The following NXF2B variants were observed in gnomAD, a reference collection of about 807,000 sequenced individuals.
NXF2B encodes the protein nuclear RNA export factor 2.
At chrX:102,432,698 T>G (rs1556394492) in intron 2 of NXF2B, among the ~76,000 whole-genome samples, 1 of 62,326 alleles carries the variant, frequency 1.6e-5, no homozygotes, top group Non-Finnish European at 4.1e-5. Context: ...GAAATAGATT[T>G]TTTTTTCTGT....
chrX:102,393,593 T>TATATATAC (rs1491394012), intron 2 of NXF2B, among the ~76,000 whole-genome samples: 3 of 21,839 alleles, frequency 1.4e-4, no homozygotes, highest in Non-Finnish European at 2.3e-4. Flanking sequence ...TATATATATA[T>TATATATAC]GGAAAGAAAG....
intron 2 of NXF2B, among the ~76,000 whole-genome samples, chrX:102,412,528 GA>G (rs1569471421): frequency 0.032 from 31 of 964 alleles, 6 homozygotes; most frequent in South Asian, 0.25. Flanking sequence ...AGAAGAAGAA[GA>G]AGAAGAAGAA....
intron 2 of NXF2B, among the ~76,000 whole-genome samples, chrX:102,412,644 AAGT>A (rs782586364): frequency 2.1e-3 from 63 of 30,054 alleles, no homozygotes; most frequent in Non-Finnish European, 3.0e-3. Context: ...GAAGAAGAAG[AAGT>A]AGTCATCATC....
chrX:102,386,213 G>A (rs1184913017), intron 2 of NXF2B, among the ~76,000 whole-genome samples: 7 of 115,023 alleles, frequency 6.1e-5, no homozygotes, highest in Non-Finnish European at 1.1e-4. Context: ...CCAAAGTGTT[G>A]GGATTACAGG....
At chrX:102,397,844 G>T (rs1454131749) in intron 2 of NXF2B, among the ~76,000 whole-genome samples, 1 of 113,967 alleles carries the variant, frequency 8.8e-6, no homozygotes, top group African/African-American at 3.2e-5. Flanking sequence ...ACAAGAACTC[G>T]TTCCTACGAA....
chrX:102,432,791 AG>A (rs1387645333), intron 2 of NXF2B, among the ~76,000 whole-genome samples: 5 of 55,735 alleles, frequency 9.0e-5, no homozygotes, highest in Non-Finnish European at 2.2e-4. Context: ...CATATGACCC[AG>A]CAACTGCTTT....
chrX:102,405,007 C>T (rs1293296423), intron 2 of NXF2B, among the ~76,000 whole-genome samples: 4 of 40,027 alleles, frequency 1.0e-4, no homozygotes, highest in Non-Finnish European at 1.7e-4. Flanking sequence ...TCTGGCCGGG[C>T]GTGGTGGCTC....
intron 2 of NXF2B, among the ~76,000 whole-genome samples, chrX:102,412,566 AG>A (rs781973364): frequency 0.037 from 230 of 6,195 alleles, 36 homozygotes; most frequent in Non-Finnish European, 0.049. Context: ...AAGAAGAAGA[AG>A]GAAGAAGAGG....
chrX:102,377,175 TGTGTGTGTGA>T lies in NXF2B; in HGVS notation c.43+2809_43+2818del, dbSNP rs1177658950. On this transcript the variant is annotated intron_variant, in intron 1 of 20. Coordinates refer to ENST00000604395, the Ensembl canonical transcript of NXF2B. ...GTGTGTGTGTGTGTGTGTGTGTGTG[TGTGTGTGTGA>T]GAGAGAGAGAGCGAGAGAGAGAGAG... Among the ~76,000 whole-genome samples the T allele has an allele frequency of 2.5e-4, 20 of 80,023 alleles. No homozygotes were observed. In the East Asian group the frequency reaches 3.5e-3, roughly 14 times the overall value. The allele number at this position is 80,023 out of a possible 115,157, so 69.5% of individuals were successfully genotyped here. A position where few individuals can be genotyped will look rare whatever the true frequency, so the allele number is the denominator to read the frequency against.
chrX:102,397,540 G>A (rs1934328894), intron 2 of NXF2B, among the ~76,000 whole-genome samples: 1 of 56,412 alleles, frequency 1.8e-5, no homozygotes, highest in Non-Finnish European at 3.4e-5. Flanking sequence ...AATTCAAGAT[G>A]GATTGAAGAC....
intron 2 of NXF2B, among the ~76,000 whole-genome samples, chrX:102,386,539 A>AG (rs1934273575): frequency 1.5e-5 from 1 of 66,142 alleles, no homozygotes; most frequent in Admixed American, 1.9e-4. Flanking sequence ...CACAGGGGAG[A>AG]GCTCTCATGC....
rs781891878 is a variant in NXF2B, at chrX:102,377,148, TTGTGTGTGTGTGTG to T, written c.43+2832_43+2845del. ...AAATTGTATGTGTGTGAGAGTGTAT[TTGTGTGTGTGTGTG>T]TGTGTGTGTGTGTGTGTGTGTGAGA... On this transcript the variant is annotated intron_variant, in intron 1 of 20. Transcript: ENST00000604395. Among the ~76,000 whole-genome samples the T allele has an allele frequency of 5.5e-4, 30 of 54,405 alleles. No homozygotes were observed. In the East Asian group the frequency reaches 0.02, roughly 35 times the overall value. The allele number at this position is 54,405 out of a possible 115,157, so 47.2% of individuals were successfully genotyped here.
chrX:102,435,827 G>A (rs1402938156), intron 2 of NXF2B, among the ~76,000 whole-genome samples: 1 of 78,572 alleles, frequency 1.3e-5, no homozygotes, highest in Non-Finnish European at 2.5e-5. Context: ...AATCTTGGAA[G>A]GAATTTAAAA....
At chrX:102,405,387 T>G in intron 2 of NXF2B, among the ~76,000 whole-genome samples, 4 of 13,556 alleles carry the variant, frequency 3.0e-4, no homozygotes, top group African/African-American at 8.0e-4. Flanking sequence ...GAGGGGGGGG[T>G]CACACGACAT....
chrX:102,433,542 AGAT>A (rs1160490169), intron 2 of NXF2B, among the ~76,000 whole-genome samples: 1 of 61,307 alleles, frequency 1.6e-5, no homozygotes, highest in Admixed American at 1.8e-4. Context: ...CTCTACATGC[AGAT>A]GATATTATAG....
intron 2 of NXF2B, among the ~76,000 whole-genome samples, chrX:102,392,771 AC>A (rs1934292716): frequency 1.8e-5 from 1 of 55,415 alleles, no homozygotes; most frequent in Non-Finnish European, 4.0e-5. Flanking sequence ...TTTATTCTTA[AC>A]CCCCTTCTTT....
intron 2 of NXF2B, among the ~76,000 whole-genome samples, chrX:102,398,172 C>T (rs1414175475): frequency 2.6e-5 from 2 of 77,524 alleles, no homozygotes; most frequent in African/African-American, 5.3e-5. Flanking sequence ...AAATGCTCAC[C>T]GTCACTAATT....
chrX:102,377,148 T>TTGTG (rs781891878), intron 1 of NXF2B, among the ~76,000 whole-genome samples: 589 of 54,367 alleles, frequency 0.011, 3 homozygotes, highest in African/African-American at 0.029. Flanking sequence ...GAGAGTGTAT[T>TTGTG]TGTGTGTGTG....
At chrX:102,397,954 A>G (rs1934334929) in intron 2 of NXF2B, among the ~76,000 whole-genome samples, 2 of 114,024 alleles carry the variant, frequency 1.8e-5, no homozygotes, top group Admixed American at 9.1e-5. Context: ...GAGTAAACAG[A>G]CAACCCACAG....
Sources: gnomAD v4.1 joint callset for allele counts (sites outside exome capture counted in the v4.1 genomes callset) on GRCh38, gnomAD v4.1.1 for gene constraint, MANE v1.5 for transcripts, NCBI Gene and HGNC (gene_info 2026-07-23, HGNC 2026-07-21) for gene names.